The following BNC2 variants were observed in gnomAD, a reference collection of about 807,000 sequenced individuals.
BNC2 encodes basonuclin zinc finger protein 2, also known as zinc finger protein basonuclin-2.
In BNC2, 20 loss-of-function variants were observed where a neutral mutation model predicts 76.3. That is an observed-to-expected ratio of 0.26 (90% CI 0.18 to 0.38). The LOEUF (loss-of-function observed/expected upper bound fraction) is 0.38. Among genes scored for constraint, BNC2 ranks in the 10% least tolerant of loss-of-function variants. The probability of loss-of-function intolerance (pLI) is 1.00; values close to 1 mark genes in which losing one functional copy is unlikely to be tolerated. For missense variants in BNC2, 1,382 were observed against 1,399.8 expected, an observed-to-expected ratio of 0.99 and a Z score of 0.20; for synonymous variants, 582 against 514.8, an observed-to-expected ratio of 1.13 and a Z score of -1.77.
intron 1 of BNC2, among the ~76,000 whole-genome samples, chr9:16,780,552 C>T (rs1214021758): frequency 6.7e-6 from 1 of 149,164 alleles, no homozygotes; most frequent in African/African-American, 2.5e-5. Flanking sequence ...AGCCTGGCGA[C>T]AGGGCAAGAC....
chr9:16,512,853 T>C (rs1245934776), intron 5 of BNC2, among the ~76,000 whole-genome samples: 4 of 151,930 alleles, frequency 2.6e-5, no homozygotes, highest in African/African-American at 9.7e-5. Context: ...TAATGAGATA[T>C]GGCTGGGCGT....
intron 1 of BNC2, among the ~76,000 whole-genome samples, chr9:16,816,065 C>A (rs1178440602): frequency 1.3e-5 from 2 of 151,974 alleles, no homozygotes; most frequent in Non-Finnish European, 2.9e-5. Flanking sequence ...AATTAAAAAA[C>A]ACTTCTACTT....
intron 3 of BNC2, among the ~76,000 whole-genome samples, chr9:16,643,216 G>A (rs1320366848): frequency 2.7e-5 from 4 of 150,890 alleles, no homozygotes; most frequent in East Asian, 2.0e-4. Context: ...TGAGGCAGGA[G>A]AATCGCTTGA....
At chr9:16,783,742 C>T (rs1019976289) in intron 1 of BNC2, among the ~76,000 whole-genome samples, 2 of 152,188 alleles carry the variant, frequency 1.3e-5, no homozygotes, top group African/African-American at 4.8e-5. Flanking sequence ...ATTCACCTTT[C>T]TTCCATGCTG....
intron 3 of BNC2, among the ~76,000 whole-genome samples, chr9:16,620,979 T>C (rs972687174): frequency 1.3e-5 from 2 of 152,170 alleles, no homozygotes; most frequent in African/African-American, 4.8e-5. Context: ...CTATCCACAA[T>C]GTTATCTGGT....
At chr9:16,710,359 T>C (rs1823801261) in intron 3 of BNC2, among the ~76,000 whole-genome samples, 1 of 152,162 alleles carries the variant, frequency 6.6e-6, no homozygotes, top group East Asian at 1.9e-4. Context: ...GAGATTGAAA[T>C]TATAAGTAAA....
intron 5 of BNC2, among the ~76,000 whole-genome samples, chr9:16,528,835 C>T (rs895826347): frequency 2.4e-4 from 36 of 152,260 alleles, no homozygotes; most frequent in African/African-American, 8.2e-4. Context: ...TCTATACTAA[C>T]GTGGAAAGAG....
At chr9:16,869,721 C>G (rs1211770526) in intron 1 of BNC2, among the ~76,000 whole-genome samples, 1 of 152,152 alleles carries the variant, frequency 6.6e-6, no homozygotes, top group Non-Finnish European at 1.5e-5. Context: ...CATCACCAGG[C>G]GAACTAATTG....
At chr9:16,665,973 A>G (rs887813070) in intron 3 of BNC2, among the ~76,000 whole-genome samples, 3 of 152,192 alleles carry the variant, frequency 2.0e-5, no homozygotes, top group African/African-American at 4.8e-5. Context: ...TAAAGAAACT[A>G]TCTTTAAAAT....
At chr9:16,659,569 C>G (rs1243727128) in intron 3 of BNC2, among the ~76,000 whole-genome samples, 1 of 147,700 alleles carries the variant, frequency 6.8e-6, no homozygotes, top group Non-Finnish European at 1.5e-5. Flanking sequence ...GATTGCACCA[C>G]TGCACTCCAG....
At chr9:16,781,535 G>A (rs1445746952) in intron 1 of BNC2, among the ~76,000 whole-genome samples, 1 of 152,196 alleles carries the variant, frequency 6.6e-6, no homozygotes. Flanking sequence ...TAGAGACGGG[G>A]TTTCGTTGTG....
intron 3 of BNC2, among the ~76,000 whole-genome samples, chr9:16,631,165 G>A (rs1052594366): frequency 1.7e-4 from 26 of 152,028 alleles, no homozygotes; most frequent in East Asian, 3.8e-4. Context: ...TCCTCTCCCC[G>A]ATACCCAGTT....
At chr9:16,711,661 T>G (rs1291775905) in intron 3 of BNC2, among the ~76,000 whole-genome samples, 2 of 152,190 alleles carry the variant, frequency 1.3e-5, no homozygotes, top group East Asian at 3.8e-4. Context: ...TTCCATTGAT[T>G]GTTGAATTAC....
At chr9:16,505,570 G>A (rs1187184686) in intron 5 of BNC2, among the ~76,000 whole-genome samples, 1 of 152,088 alleles carries the variant, frequency 6.6e-6, no homozygotes, top group Non-Finnish European at 1.5e-5. Context: ...ATGCAGCCAG[G>A]ATTTAAAGAG....
intron 5 of BNC2, among the ~76,000 whole-genome samples, chr9:16,442,367 T>G (rs1171265631): frequency 6.6e-6 from 1 of 152,248 alleles, no homozygotes; most frequent in East Asian, 1.9e-4. Flanking sequence ...AACTGGTGAT[T>G]ATCACTTGTA....
At chr9:16,525,869 C>G (rs1455617835) in intron 5 of BNC2, among the ~76,000 whole-genome samples, 1 of 152,182 alleles carries the variant, frequency 6.6e-6, no homozygotes, top group Non-Finnish European at 1.5e-5. Flanking sequence ...CTTTCAACCA[C>G]AGTCCTTTAT....
intron 3 of BNC2, among the ~76,000 whole-genome samples, chr9:16,667,766 C>A (rs116831354): frequency 0.016 from 2,469 of 152,190 alleles, 64 homozygotes; most frequent in African/African-American, 0.055. Flanking sequence ...GTTTTGAGGA[C>A]CTACTATGTA....
chr9:16,717,146 A>G (rs1003377643), intron 3 of BNC2, among the ~76,000 whole-genome samples: 1 of 152,208 alleles, frequency 6.6e-6, no homozygotes, highest in African/African-American at 2.4e-5. Flanking sequence ...CCTGGAACTC[A>G]GTTGTTAATT....
At chr9:16,779,843 G>A (rs1032894717) in intron 1 of BNC2, among the ~76,000 whole-genome samples, 1 of 152,182 alleles carries the variant, frequency 6.6e-6, no homozygotes, top group Non-Finnish European at 1.5e-5. Flanking sequence ...GTGTTGTGGG[G>A]GGGCCAGGAA....
Sources: allele counts gnomAD v4.1 joint callset (sites outside exome capture counted in the v4.1 genomes callset), GRCh38; gene constraint gnomAD v4.1.1; transcripts MANE v1.5; gene names NCBI Gene and HGNC (gene_info 2026-07-23, HGNC 2026-07-21).